WDR59: variants seen among roughly 807,000 people sequenced by gnomAD.
WDR59 encodes GATOR2 complex protein WDR59.
Under a neutral mutation model 131.2 loss-of-function variants are expected in WDR59, and 100 were observed. That is an observed-to-expected ratio of 0.76 (90% CI 0.65 to 0.90). The LOEUF is 0.90. Ranked by LOEUF, WDR59 falls within the 40% of genes least tolerant of loss-of-function variation. The pLI, the probability that WDR59 is intolerant of heterozygous loss-of-function variation, is 0.00. For synonymous variants in WDR59, 601 were observed against 466.2 expected, an observed-to-expected ratio of 1.29 and a Z score of -3.72; for missense variants, 1,203 against 1,262.2, an observed-to-expected ratio of 0.95 and a Z score of 0.71.
At chr16:74,968,906 A>G (rs1191147289) in intron 1 of WDR59, among the ~76,000 whole-genome samples, 1 of 152,212 alleles carries the variant, frequency 6.6e-6, no homozygotes, top group African/African-American at 2.4e-5. Context: ...GGAAGCTTAC[A>G]CTAAGCTGTC....
Position 74,938,265 on chromosome 16 carries a change from T to A in WDR59, c.536A>T (p.Lys179Ile). ...DGDVRIWDKRKPSTAVEYLAA... is the reference protein window; with the variant it reads ...DGDVRIWDKRIPSTAVEYLAA... ...TAGATATTCCACTGCTGTACTGGGT[T>A]TCTGCAACAGATCAGCACCTAATAT... Residue 179 changes from lysine (K) to isoleucine (I), a missense_variant and splice_region_variant, in exon 8 of 26, where the codon AAA becomes ATA. Transcript: ENST00000262144. The A allele has an allele frequency of 6.6e-7, 1 of 1,524,180 alleles. No homozygotes were observed. The highest frequency in any genetic ancestry group is 8.8e-7 in the Non-Finnish European group (1 of 1,134,068). The allele number at this position is 1,524,180 out of a possible 1,614,324, so 94.4% of individuals were successfully genotyped here. A position where few individuals can be genotyped will look rare whatever the true frequency, so the allele number is the denominator to read the frequency against.
chr16:74,972,983 A>T (rs2034049070), intron 1 of WDR59, among the ~76,000 whole-genome samples: 1 of 152,038 alleles, frequency 6.6e-6, no homozygotes, highest in Non-Finnish European at 1.5e-5. Flanking sequence ...CTGTAATCCC[A>T]GCACTTTGGG....
In WDR59 at chr16:74,982,752, G is replaced by T. The variant is rs115654061; in HGVS notation, c.54+2212C>A. ...AGACTCTGTGCTGACAGTACTTGGG[G>T]GTCCTTAATCCAAATGCTACTGCTC... is the stretch of plus-strand genomic sequence containing the variant. On this transcript the variant is annotated intron_variant, in intron 1 of 25. Coordinates refer to ENST00000262144, the MANE Select transcript of WDR59 (RefSeq NM_030581.4). 3.3e-3 allele frequency among the ~76,000 whole-genome samples: 498 copies of T among 152,288 alleles called. 2 individuals are homozygous for T. Among genetic ancestry groups the T allele is most frequent in the African/African-American group, 0.012 (479 of 41,550 alleles).
chr16:74,971,061 A>G (rs572175072), intron 1 of WDR59, among the ~76,000 whole-genome samples: 84 of 152,034 alleles, frequency 5.5e-4, no homozygotes, highest in Non-Finnish European at 1.1e-3. Flanking sequence ...AAAAAAGCCA[A>G]AAAAAAGATG....
chr16:74,907,783 C>T (rs1272912981), intron 17 of WDR59, among the ~76,000 whole-genome samples: 1 of 152,174 alleles, frequency 6.6e-6, no homozygotes, highest in Non-Finnish European at 1.5e-5. Flanking sequence ...ACATGGAGCA[C>T]TTCCAATGTA....
chr16:74,886,538 T>A, intron 23 of WDR59, 142 bp from the exon 24 acceptor site: 2 of 1,146,868 alleles, frequency 1.7e-6, no homozygotes, highest in Non-Finnish European at 2.4e-6. Flanking sequence ...GAAATATAAC[T>A]AAATAGAACT....
chr16:74,911,013 G>C (rs1053262718), intron 14 of WDR59, among the ~76,000 whole-genome samples: 4 of 152,056 alleles, frequency 2.6e-5, no homozygotes, highest in African/African-American at 7.2e-5. Context: ...ACAGGCATGC[G>C]CCACCACGCC....
chr16:74,905,677 GA>G (rs1356005250), intron 17 of WDR59, among the ~76,000 whole-genome samples: 2 of 150,342 alleles, frequency 1.3e-5, no homozygotes, highest in East Asian at 3.9e-4. Flanking sequence ...GCGAGATTCT[GA>G]CTCAAAAAAT....
Position 74,889,688 on chromosome 16 carries a change from G to A in WDR59, c.2195+15C>T, listed in dbSNP as rs1463524292. On this transcript the variant is annotated intron_variant, in intron 21 of 25. Transcript: ENST00000262144. ...ACATCACTCATTTTTCTCATTTTTA[G>A]CTCTCAAAACCTACAGGGACTCCAG... 2 of 1,600,428 alleles carry A rather than the reference G, an allele frequency of 1.2e-6. No homozygotes were observed. Among genetic ancestry groups the A allele is most frequent in the Non-Finnish European group, 1.7e-6 (2 of 1,173,334 alleles).
intron 1 of WDR59, among the ~76,000 whole-genome samples, chr16:74,979,906 T>G (rs1196248053): frequency 7.5e-6 from 1 of 132,840 alleles, no homozygotes; most frequent in Non-Finnish European, 1.6e-5. Context: ...TGGAGTGCAA[T>G]GGCGTGATCT....
chr16:74,924,124 T>C, intron 8 of WDR59, 121 bp from the exon 9 acceptor site: 1 of 957,460 alleles, frequency 1.0e-6, no homozygotes. Flanking sequence ...AACAACATAT[T>C]TTTAGTTCAG....
chr16:74,973,248 CA>C (rs1432019891), intron 1 of WDR59, among the ~76,000 whole-genome samples: 6 of 151,602 alleles, frequency 4.0e-5, no homozygotes, highest in Admixed American at 2.6e-4. Context: ...TCTCAAAAAC[CA>C]TAAAATTATA....
At chr16:74,970,960 G>A (rs1401584242) in intron 1 of WDR59, among the ~76,000 whole-genome samples, 1 of 151,656 alleles carries the variant, frequency 6.6e-6, no homozygotes, top group East Asian at 1.9e-4. Flanking sequence ...CTGAGGGGAG[G>A]ATAACTTGAG....
intron 18 of WDR59, among the ~76,000 whole-genome samples, chr16:74,897,138 T>G (rs1487084829): frequency 6.6e-6 from 1 of 152,258 alleles, no homozygotes; most frequent in African/African-American, 2.4e-5. Flanking sequence ...CCTGTCCAGC[T>G]CCACCCTTCT....
chr16:74,961,353 G>A (rs2033559428), intron 2 of WDR59, among the ~76,000 whole-genome samples: 1 of 152,022 alleles, frequency 6.6e-6, no homozygotes, highest in South Asian at 2.1e-4. Context: ...AAAGTTCTAG[G>A]TCTTTCAAGA....
At chr16:74,962,545 C>A (rs1468230081) in intron 2 of WDR59, among the ~76,000 whole-genome samples, 1 of 152,026 alleles carries the variant, frequency 6.6e-6, no homozygotes, top group East Asian at 1.9e-4. Context: ...CTCTTTGTAA[C>A]AATTGCGAAT....
chr16:74,959,469 G>GA, intron 2 of WDR59: 1 of 437,930 alleles, frequency 2.3e-6, no homozygotes, highest in Admixed American at 2.6e-5. Context: ...CAACAGAAAG[G>GA]AAAAAAGCCT....
At position 74,953,997 on chromosome 16, in the gene WDR59, G is replaced by A. The variant is rs542106692; in HGVS notation, c.241-2454C>T. ...AGCCTGGGTGACAGAGCGAGACTCC[G>A]TCTCAAAAAAAAAAAGAAAAAGGGC... is the stretch of plus-strand genomic sequence containing the variant. On this transcript the variant is annotated intron_variant, in intron 3 of 25. Coordinates refer to ENST00000262144, the MANE Select transcript of WDR59 (RefSeq NM_030581.4). Among the ~76,000 whole-genome samples the A allele has an allele frequency of 7.8e-3, 988 of 126,466 alleles. 7 individuals carry two copies. The highest frequency in any genetic ancestry group is 0.025 in the African/African-American group (881 of 34,644). The allele number at this position is 126,466 out of a possible 152,430, so 83.0% of individuals were successfully genotyped here. A position where few individuals can be genotyped will look rare whatever the true frequency, so the allele number is the denominator to read the frequency against.
At chr16:74,938,672 G>A (rs1034323925) in intron 7 of WDR59, among the ~76,000 whole-genome samples, 2 of 152,088 alleles carry the variant, frequency 1.3e-5, no homozygotes, top group Non-Finnish European at 2.9e-5. Flanking sequence ...AAGTAGCTGG[G>A]ACTACAGGTG....
Sources: allele counts gnomAD v4.1 joint callset (sites outside exome capture counted in the v4.1 genomes callset), GRCh38; gene constraint gnomAD v4.1.1; transcripts MANE v1.5; gene names NCBI Gene and HGNC (gene_info 2026-07-23, HGNC 2026-07-21).